Variants in ANK1 observed in about 807,000 individuals in gnomAD.
The protein encoded by ANK1 is ankyrin 1.
In ANK1, 51 loss-of-function variants were observed where a neutral mutation model predicts 210.4. The ratio of observed to expected loss-of-function variants is 0.24; its 90% CI spans 0.19 to 0.31. The LOEUF (loss-of-function observed/expected upper bound fraction) is 0.31, where lower values mean the gene tolerates loss of function less well. ANK1 is among the 10% of genes least tolerant of loss of function. The pLI, the probability that ANK1 is intolerant of heterozygous loss-of-function variation, is 1.00. For missense variants in ANK1, 2,051 were observed against 2,504.4 expected, an observed-to-expected ratio of 0.82 and a Z score of 3.86; for synonymous variants, 967 against 1,025.9, an observed-to-expected ratio of 0.94 and a Z score of 1.10.
At chr8:41,834,713 C>T (rs16890885) in intron 1 of ANK1, among the ~76,000 whole-genome samples, 3,560 of 152,316 alleles carry the variant, frequency 0.023, 55 homozygotes, top group African/African-American at 0.042. Context: ...CCAGTCTTAG[C>T]GGAGGCCATG....
Position 41,864,772 on chromosome 8 carries a change from C to T in ANK1, c.126+31583G>A, listed in dbSNP as rs148695685. On this transcript the variant is annotated intron_variant, in intron 1 of 42. Transcript: ENST00000265709. The stretch of plus-strand genomic sequence containing the variant: ...ATGGAACCACGGCTGAGTGGGTATG[C>T]GGAGCATCCAGAACCGAAGAAACTG... Among the ~76,000 whole-genome samples, 1,012 of 152,244 alleles carry T rather than the reference C, an allele frequency of 6.6e-3. 3 individuals carry two copies. Among genetic ancestry groups the T allele is most frequent in the African/African-American group, 9.5e-3 (395 of 41,544 alleles).
intron 1 of ANK1, among the ~76,000 whole-genome samples, chr8:41,822,681 T>G (rs1313175852): frequency 6.6e-6 from 1 of 152,160 alleles, no homozygotes. Context: ...GCAGGACTTG[T>G]GCTTGCAATG....
chr8:41,780,178 G>C (rs911166085), intron 1 of ANK1, among the ~76,000 whole-genome samples: 3 of 152,164 alleles, frequency 2.0e-5, no homozygotes, highest in Non-Finnish European at 4.4e-5. Context: ...TGGCCAATCA[G>C]ACCAGACAGT....
Position 41,696,830 on chromosome 8 carries a change from G to A in ANK1, c.2638-57C>T. 6.7e-6 allele frequency: 10 copies of A among 1,491,344 alleles called. No homozygotes were observed. The Admixed American group carries it at 7.1e-5, about 11-fold the overall frequency. The allele number at this position is 1,491,344 out of a possible 1,614,324, so 92.4% of individuals were successfully genotyped here. A position where few individuals can be genotyped will look rare whatever the true frequency, so the allele number is the denominator to read the frequency against. On this transcript the variant is annotated intron_variant, in intron 24 of 42. Transcript: ENST00000289734. ...CCTCCTCCCGGGCCAGCTGGATGCCGTGCCAGGGCGTGGAGGCTTGGAAGA... is the reference window on the plus strand; with the variant it reads ...CCTCCTCCCGGGCCAGCTGGATGCCATGCCAGGGCGTGGAGGCTTGGAAGA...
intron 1 of ANK1, among the ~76,000 whole-genome samples, chr8:41,816,809 A>T (rs921522516): frequency 1.3e-5 from 2 of 152,226 alleles, no homozygotes; most frequent in Admixed American, 1.3e-4. Flanking sequence ...TTTCTGAGAG[A>T]ACAATTTTTA....
chr8:41,695,359 G>A, intron 26 of ANK1, 28 bp from the exon 27 acceptor site: 1 of 1,613,464 alleles, frequency 6.2e-7, no homozygotes, highest in Non-Finnish European at 8.5e-7. Context: ...TGGTGGTGGG[G>A]AGGTGCTCAT....
At chr8:41,839,081 A>T (rs571048938) in intron 1 of ANK1, among the ~76,000 whole-genome samples, 29 of 152,176 alleles carry the variant, frequency 1.9e-4, no homozygotes, top group Admixed American at 1.4e-3. Flanking sequence ...CTTCTCAAAA[A>T]ATAAATAAAT....
At chr8:41,758,787 G>A (rs1383919166) in intron 1 of ANK1, among the ~76,000 whole-genome samples, 1 of 152,218 alleles carries the variant, frequency 6.6e-6, no homozygotes, top group African/African-American at 2.4e-5. Flanking sequence ...CAGTCTTGCT[G>A]AAGAGTTTGC....
chr8:41,876,297 C>G (rs957263617), intron 1 of ANK1, among the ~76,000 whole-genome samples: 8 of 152,200 alleles, frequency 5.3e-5, no homozygotes, highest in Non-Finnish European at 1.2e-4. Context: ...GTCTCTCTCC[C>G]GGTCGCGCAG....
chr8:41,727,368 A>T lies in ANK1; in HGVS notation c.328-20T>A. The T allele has an allele frequency of 6.4e-7, 1 of 1,565,660 alleles. No homozygotes were observed. Among genetic ancestry groups the T allele is most frequent in the Non-Finnish European group, 8.8e-7 (1 of 1,136,352 alleles). On this transcript the variant is annotated intron_variant, in intron 4 of 42. Transcript: ENST00000289734. Reference sequence around the variant, plus strand: ...ACCTTTCTGTAAACCAAGAGAGGACATCATTAGCATCCACCCGCAATTTAA... The same window carrying T: ...ACCTTTCTGTAAACCAAGAGAGGACTTCATTAGCATCCACCCGCAATTTAA...
At chr8:41,815,293 C>T (rs752833033) in intron 1 of ANK1, among the ~76,000 whole-genome samples, 8 of 151,782 alleles carry the variant, frequency 5.3e-5, no homozygotes, top group Non-Finnish European at 5.9e-5. Flanking sequence ...TTTTTTAAGG[C>T]AGATCACTCA....
At chr8:41,849,532 A>C (rs1410543532) in intron 1 of ANK1, among the ~76,000 whole-genome samples, 1 of 151,460 alleles carries the variant, frequency 6.6e-6, no homozygotes, top group African/African-American at 2.4e-5. Flanking sequence ...CCAAAAAAAA[A>C]AATGTAGTCA....
chr8:41,804,442 G>A (rs1430942346), intron 1 of ANK1, among the ~76,000 whole-genome samples: 2 of 152,174 alleles, frequency 1.3e-5, no homozygotes, highest in Non-Finnish European at 1.5e-5. Flanking sequence ...GAAGTATATC[G>A]AAGAATGTGT....
chr8:41,723,076 A>C, intron 9 of ANK1, 49 bp downstream of exon 9: 4 of 1,539,646 alleles, frequency 2.6e-6, no homozygotes, highest in Non-Finnish European at 3.6e-6. Context: ...GGTCTGTTGG[A>C]CCTGGAGCCC....
At chr8:41,746,614 G>A (rs1489748998) in intron 2 of ANK1, among the ~76,000 whole-genome samples, 1 of 152,186 alleles carries the variant, frequency 6.6e-6, no homozygotes, top group East Asian at 1.9e-4. Context: ...TTAGAGCTCT[G>A]CAAGGAAATG....
intron 1 of ANK1, among the ~76,000 whole-genome samples, chr8:41,806,336 C>A (rs768761222): frequency 3.7e-4 from 56 of 152,224 alleles, no homozygotes; most frequent in Admixed American, 4.6e-4. Context: ...CTTTCCAGAG[C>A]AGAGTTCATG....
intron 1 of ANK1, among the ~76,000 whole-genome samples, chr8:41,783,254 A>G (rs1845692188): frequency 6.6e-6 from 1 of 152,230 alleles, no homozygotes; most frequent in African/African-American, 2.4e-5. Context: ...GGTCCATGCA[A>G]CTGTCCCTCC....
chr8:41,739,521 CT>C (rs71239075), intron 2 of ANK1, among the ~76,000 whole-genome samples: 79,891 of 115,940 alleles, frequency 0.69, 26,777 homozygotes, highest in East Asian at 0.86. Context: ...TTTTTTCTTT[CT>C]TTTTTTTTTT....
chr8:41,705,327 AC>A (rs1824267951), intron 18 of ANK1, among the ~76,000 whole-genome samples: 1 of 152,192 alleles, frequency 6.6e-6, no homozygotes, highest in African/African-American at 2.4e-5. Flanking sequence ...TCTGTGCAGG[AC>A]CCCAAAAGAC....
Sources: allele counts gnomAD v4.1 joint callset (sites outside exome capture counted in the v4.1 genomes callset), GRCh38; gene constraint gnomAD v4.1.1; transcripts MANE v1.5; gene names NCBI Gene and HGNC (gene_info 2026-07-23, HGNC 2026-07-21).